NCKAP5: variants seen among roughly 807,000 people sequenced by gnomAD.
The protein encoded by NCKAP5 is NCK associated protein 5, also known as nck-associated protein 5.
In NCKAP5, 92 loss-of-function variants were observed where a neutral mutation model predicts 167.0. The ratio of observed to expected loss-of-function variants is 0.55; its 90% CI spans 0.47 to 0.66. The LOEUF (loss-of-function observed/expected upper bound fraction) is 0.66. NCKAP5 is among the 30% of genes least tolerant of loss of function. NCKAP5 has a pLI of 0.00. For missense variants in NCKAP5, 2,378 were observed against 2,315.0 expected (o/e 1.03, Z -0.56); for synonymous variants, 891 against 877.4 (o/e 1.02, Z -0.27).
chr2:132,833,801 C>T (rs2105378741), intron 11 of NCKAP5, among the ~76,000 whole-genome samples: 1 of 152,178 alleles, frequency 6.6e-6, no homozygotes, highest in Middle Eastern at 3.4e-3. Context: ...GTGATGCTTC[C>T]AGCTTTGTTC....
At chr2:133,419,880 G>A (rs1689361698) in intron 3 of NCKAP5, among the ~76,000 whole-genome samples, 3 of 152,142 alleles carry the variant, frequency 2.0e-5, no homozygotes, top group African/African-American at 7.2e-5. Flanking sequence ...GTATAGCCCT[G>A]GAGACATACA....
the NCKAP5 span, among the ~76,000 whole-genome samples, chr2:133,619,369 A>G: frequency 4.9e-3 from 749 of 152,096 alleles, 9 homozygotes; most frequent in African/African-American, 0.017. Context: ...AAAATACTTC[A>G]GCGAAACAGA....
chr2:133,087,414 T>A (rs2081029102), intron 6 of NCKAP5, among the ~76,000 whole-genome samples: 1 of 152,218 alleles, frequency 6.6e-6, no homozygotes, highest in Admixed American at 6.5e-5. Context: ...GACAGAGAAG[T>A]AATCTCTGAT....
intron 2 of NCKAP5, among the ~76,000 whole-genome samples, chr2:133,529,283 T>G (rs902089421): frequency 1.1e-4 from 16 of 152,192 alleles, no homozygotes; most frequent in African/African-American, 3.4e-4. Context: ...CAGAGATGCT[T>G]TTAACAGTTT....
intron 19 of NCKAP5, among the ~76,000 whole-genome samples, chr2:132,706,034 T>C (rs1346828683): frequency 1.3e-5 from 2 of 152,160 alleles, no homozygotes; most frequent in African/African-American, 4.8e-5. Flanking sequence ...ACACAATATA[T>C]AAATACAACA....
chr2:133,554,587 C>G (rs1687606360), intron 2 of NCKAP5, among the ~76,000 whole-genome samples: 1 of 152,094 alleles, frequency 6.6e-6, no homozygotes, highest in South Asian at 2.1e-4. Context: ...TTTCTCATGT[C>G]TATTAGAAAT....
At chr2:133,292,873 A>G (rs1679699636) in intron 4 of NCKAP5, among the ~76,000 whole-genome samples, 1 of 152,192 alleles carries the variant, frequency 6.6e-6, no homozygotes, top group Non-Finnish European at 1.5e-5. Flanking sequence ...CCATCTATAC[A>G]GTGGTTTATT....
chr2:132,809,531 C>A (rs1415102961), intron 11 of NCKAP5, among the ~76,000 whole-genome samples: 2 of 152,132 alleles, frequency 1.3e-5, no homozygotes, highest in Non-Finnish European at 2.9e-5. Flanking sequence ...CTCTCTTTGT[C>A]TCTTTTAACT....
In NCKAP5 at chr2:132,837,171, G is replaced by A. The variant is rs568623027; in HGVS notation, c.807+23321C>T. Among the ~76,000 whole-genome samples the A allele has an allele frequency of 3.2e-4, 48 of 152,210 alleles. 1 individual carries two copies. In the South Asian group the frequency reaches 9.5e-3, roughly 30 times the overall value. On this transcript the variant is annotated intron_variant, in intron 11 of 19. Transcript: ENST00000409261. Reference sequence around the variant, plus strand: ...AATTGTCCCTGGCTGTCCTGTAGCTGTCCCCACCCTTGGGTAGCTTCTCTT... The same window carrying A: ...AATTGTCCCTGGCTGTCCTGTAGCTATCCCCACCCTTGGGTAGCTTCTCTT...
At position 133,566,840 on chromosome 2, in the gene NCKAP5, G is replaced by A. The variant is rs570300627; in HGVS notation, c.-130+1376C>T. ...CTTATTTTAAGCAAAGAATTGCAAAGAGCACTGAGCTCTAATACACAAAAC... is the reference window on the plus strand; with the variant it reads ...CTTATTTTAAGCAAAGAATTGCAAAAAGCACTGAGCTCTAATACACAAAAC... On this transcript the variant is annotated intron_variant, in intron 1 of 19. Transcript: ENST00000409261. 4.6e-5 allele frequency among the ~76,000 whole-genome samples: 7 copies of A among 152,350 alleles called. 1 individual carries two copies. Among genetic ancestry groups the A allele is most frequent in the African/African-American group, 1.7e-4 (7 of 41,586 alleles).
intron 6 of NCKAP5, among the ~76,000 whole-genome samples, chr2:133,078,288 T>C: frequency 6.6e-6 from 1 of 152,206 alleles, no homozygotes; most frequent in Non-Finnish European, 1.5e-5. Flanking sequence ...TGGAAGTGGA[T>C]GCTTGGAGCT....
At chr2:132,917,564 G>T (rs1694983863) in intron 8 of NCKAP5, among the ~76,000 whole-genome samples, 1 of 152,064 alleles carries the variant, frequency 6.6e-6, no homozygotes, top group South Asian at 2.1e-4. Flanking sequence ...ATTATGATTA[G>T]TATTTACAGT....
intron 19 of NCKAP5, among the ~76,000 whole-genome samples, chr2:132,696,479 AAAGTCCTTCATCTCCTTTG>A (rs2105194169): frequency 6.6e-6 from 1 of 152,326 alleles, no homozygotes; most frequent in Non-Finnish European, 1.5e-5. Context: ...CATCTCCTGT[AAAGTCCTTCATCTCCTTTG>A]AAGTCCAACG....
chr2:133,340,655 T>TA (rs546495795), intron 3 of NCKAP5, among the ~76,000 whole-genome samples: 235 of 152,306 alleles, frequency 1.5e-3, no homozygotes, highest in Middle Eastern at 6.8e-3. Flanking sequence ...AGGTAATGAA[T>TA]GCCCTATAAC....
chr2:132,703,943 C>A (rs1408081931), intron 19 of NCKAP5, among the ~76,000 whole-genome samples: 1 of 152,106 alleles, frequency 6.6e-6, no homozygotes, highest in Non-Finnish European at 1.5e-5. Flanking sequence ...TTCTGATGTG[C>A]CAGTTAAAAA....
At chr2:133,369,420 A>C (rs1348970690) in intron 3 of NCKAP5, among the ~76,000 whole-genome samples, 1 of 152,218 alleles carries the variant, frequency 6.6e-6, no homozygotes, top group Non-Finnish European at 1.5e-5. Context: ...TAGATGATTT[A>C]AGATGGGGTT....
chr2:133,169,221 G>A (rs2084133670), intron 5 of NCKAP5, among the ~76,000 whole-genome samples: 1 of 152,308 alleles, frequency 6.6e-6, no homozygotes, highest in African/African-American at 2.4e-5. Flanking sequence ...GTAAATGGGA[G>A]AGCAACATAT....
intron 16 of NCKAP5, among the ~76,000 whole-genome samples, chr2:132,767,145 G>GTAGGT (rs1681570292): frequency 6.6e-6 from 1 of 152,196 alleles, no homozygotes; most frequent in African/African-American, 2.4e-5. Context: ...GTTCACTGAA[G>GTAGGT]TAGGCTTGAT....
chr2:133,336,329 A>G (rs559157114), intron 3 of NCKAP5, among the ~76,000 whole-genome samples: 23 of 152,294 alleles, frequency 1.5e-4, no homozygotes, highest in African/African-American at 4.8e-4. Flanking sequence ...ACACCAAGTA[A>G]GCGGCTAAGT....
Sources: allele counts gnomAD v4.1 joint callset (sites outside exome capture counted in the v4.1 genomes callset), GRCh38; gene constraint gnomAD v4.1.1; transcripts MANE v1.5; gene names NCBI Gene and HGNC (gene_info 2026-07-23, HGNC 2026-07-21).